The following ADRA2A variants were observed in gnomAD, a reference collection of about 807,000 sequenced individuals.
ADRA2A encodes the protein adrenoceptor alpha 2A.
A neutral mutation model predicts 5.9 loss-of-function variants in ADRA2A; 6 were observed. The observed-to-expected ratio is 1.01, with a 90% CI of 0.55 to 2.00. The LOEUF is 2.00. Ranked by LOEUF, ADRA2A falls within the 30% of genes most tolerant of loss-of-function variation. ADRA2A has a pLI of 0.00. For synonymous variants in ADRA2A, 345 were observed against 325.9 expected, an observed-to-expected ratio of 1.06 and a Z score of -0.63; for missense variants, 647 against 690.0, an observed-to-expected ratio of 0.94 and a Z score of 0.70.
In ADRA2A at chr10:111,078,968, C is replaced by A; in HGVS notation, c.972C>A (p.Arg324=). 1 of 1,242,524 alleles carries A rather than the reference C, an allele frequency of 8.0e-7. No individual in the cohort carries two copies. Among genetic ancestry groups the A allele is most frequent in the Non-Finnish European group, 1.0e-6 (1 of 995,434 alleles). 77.0% of individuals were successfully genotyped at this position (1,242,524 alleles called of 1,614,324 possible). Residue 324 remains arginine, a synonymous_variant, in exon 1 of 1, where the codon CGC becomes CGA. Coordinates refer to ENST00000280155, the MANE Select transcript of ADRA2A (RefSeq NM_000681.4). ...SDHAERPPGP[R]RPERGPRGKG... is the part of the protein sequence containing the mutation. Reference sequence around the variant, plus strand: ...ACGCCGAGCGGCCTCCAGGGCCCCGCAGACCCGAGCGCGGTCCCCGGGGCA... The same window carrying A: ...ACGCCGAGCGGCCTCCAGGGCCCCGAAGACCCGAGCGCGGTCCCCGGGGCA...
rs1843540066 is a variant in ADRA2A, at chr10:111,077,144, G to C, written c.-853G>C. On this transcript the variant is annotated 5_prime_UTR_variant, in exon 1 of 1. Transcript: ENST00000280155. ...CCTGCCCCAACTCGCGCTGTCGTCG[G>C]ACCCCGGCCCATCCAGCAGCGCTCG... 6.6e-6 allele frequency: 1 copy of C among 152,616 alleles called. No homozygotes were observed. The highest frequency in any genetic ancestry group is 1.5e-5 in the Non-Finnish European group (1 of 68,398). 9.5% of individuals were successfully genotyped at this position (152,616 alleles called of 1,614,324 possible).
In ADRA2A at chr10:111,077,968, C is replaced by A. The variant is rs1320876907; in HGVS notation, c.-29C>A. On this transcript the variant is annotated 5_prime_UTR_variant, in exon 1 of 1. Coordinates refer to ENST00000280155, the MANE Select transcript of ADRA2A (RefSeq NM_000681.4). ...CGCCGGGCCGGAAGGCAGCTGGCAGCAGGCCCAGGCCAGCGGGCGCCCGCG... is the reference window on the plus strand; with the variant it reads ...CGCCGGGCCGGAAGGCAGCTGGCAGAAGGCCCAGGCCAGCGGGCGCCCGCG... 20 of 1,353,756 alleles carry A rather than the reference C, an allele frequency of 1.5e-5. No homozygotes were observed. The highest frequency in any genetic ancestry group is 1.8e-5 in the Non-Finnish European group (19 of 1,061,096). The allele number at this position is 1,353,756 out of a possible 1,614,324, so 83.9% of individuals were successfully genotyped here. A position where few individuals can be genotyped will look rare whatever the true frequency, so the allele number is the denominator to read the frequency against.
rs888449582 is a variant in ADRA2A at position 111,077,309 on chromosome 10, C to G, written c.-688C>G. The G allele has an allele frequency of 6.6e-6, 1 of 152,390 alleles. No homozygotes were observed. Among genetic ancestry groups the G allele is most frequent in the Admixed American group, 6.6e-5 (1 of 15,258 alleles). 9.4% of individuals were successfully genotyped at this position (152,390 alleles called of 1,614,324 possible). The stretch of plus-strand genomic sequence containing the variant: ...ACACTCCTCACCCCGCCGCCGCCGC[C>G]GTCCCGGAGCTCCGCACAGTGTGCC... On this transcript the variant is annotated 5_prime_UTR_variant, in exon 1 of 1. Coordinates refer to ENST00000280155, the MANE Select transcript of ADRA2A (RefSeq NM_000681.4).
rs1843543683 is a variant in ADRA2A at position 111,077,408 on chromosome 10, C to CCGGGA, written c.-585_-584insACGGG. 6.6e-6 allele frequency: 1 copy of CCGGGA among 152,136 alleles called. No homozygotes were observed. The highest frequency in any genetic ancestry group is 6.6e-5 in the Admixed American group (1 of 15,178). 9.4% of individuals were successfully genotyped at this position (152,136 alleles called of 1,614,324 possible). A position where few individuals can be genotyped will look rare whatever the true frequency, so the allele number is the denominator to read the frequency against. On this transcript the variant is annotated 5_prime_UTR_variant, in exon 1 of 1. It introduces an in-frame stop codon into an upstream open reading frame of the 5' UTR. Transcript: ENST00000280155. ...AGGCGGCAGAGTCCGCGCCCCAGCC[C>CCGGGA]CGGGCCGGGCCGGGCCAGAACCGCA...
Position 111,080,413 on chromosome 10 carries a change from A to G in ADRA2A, c.*1019A>G, listed in dbSNP as rs13306146. ...AGTGCTGACTATGGGGAAATCTTTT[A>G]GCTGCTGTTTTTAGACTCCAAGGAG... On this transcript the variant is annotated 3_prime_UTR_variant, in exon 1 of 1. Coordinates refer to ENST00000280155, the MANE Select transcript of ADRA2A (RefSeq NM_000681.4). The G allele has an allele frequency of 0.057, 9,554 of 166,854 alleles. 683 individuals carry two copies. Among genetic ancestry groups the G allele is most frequent in the East Asian group, 0.31 (1,626 of 5,168 alleles). 10.3% of individuals were successfully genotyped at this position (166,854 alleles called of 1,614,324 possible).
Position 111,078,724 on chromosome 10 carries a change from G to A in ADRA2A, c.728G>A (p.Arg243His). The change falls in exon 1 of 1, where the codon CGC becomes CAC. Residue 243 changes from arginine (R) to histidine (H), a missense_variant. By Grantham distance (29) the Arg-to-His change is conservative. This residue lies in a region of ADRA2A where 577 missense variants were observed against 605.4 expected (regional missense o/e 0.95). Coordinates refer to ENST00000280155, the MANE Select transcript of ADRA2A (RefSeq NM_000681.4). ...RIYQIAKRRT[R>H]VPPSRRGPDA... is the part of the protein sequence containing the mutation. Reference sequence around the variant, plus strand: ...TACCAGATCGCCAAGCGTCGCACCCGCGTGCCACCCAGCCGCCGGGGTCCG... The same window carrying A: ...TACCAGATCGCCAAGCGTCGCACCCACGTGCCACCCAGCCGCCGGGGTCCG... 2.0e-6 allele frequency: 3 copies of A among 1,502,808 alleles called. No individual in the cohort carries two copies. The highest frequency in any genetic ancestry group is 2.4e-5 in the Admixed American group (1 of 41,834). 93.1% of individuals were successfully genotyped at this position (1,502,808 alleles called of 1,614,324 possible). A position where few individuals can be genotyped will look rare whatever the true frequency, so the allele number is the denominator to read the frequency against.
At position 111,078,939 on chromosome 10, in the gene ADRA2A, G is replaced by A; in HGVS notation, c.943G>A (p.Asp315Asn). 2 of 1,235,348 alleles carry A rather than the reference G, an allele frequency of 1.6e-6. No individual in the cohort carries two copies. Among genetic ancestry groups the A allele is most frequent in the South Asian group, 3.0e-5 (1 of 32,984 alleles). 76.5% of individuals were successfully genotyped at this position (1,235,348 alleles called of 1,614,324 possible). ...GGACCTGGAGGAGAGCTCGTCTTCC[G>A]ACCACGCCGAGCGGCCTCCAGGGCC... ...ALDLEESSSS[D>N]HAERPPGPRR... Residue 315 changes from aspartate to asparagine, a missense_variant, in exon 1 of 1, where the codon GAC becomes AAC. Asp to Asn is a conservative substitution (Grantham distance 23). This residue lies in a region of ADRA2A where 577 missense variants were observed against 605.4 expected (regional missense o/e 0.95). Coordinates refer to ENST00000280155, the MANE Select transcript of ADRA2A (RefSeq NM_000681.4).
In ADRA2A at chr10:111,079,102, T is replaced by A; in HGVS notation, c.1106T>A (p.Val369Asp). The change falls in exon 1 of 1, where the codon GTC becomes GAC. Residue 369 changes from valine to aspartate, a missense_variant. Val to Asp is a radical substitution (Grantham distance 152, BLOSUM62 -3). Transcript: ENST00000280155. The part of the protein sequence containing the change: ...TPAAGPGEER[V>D]GAAKASRWRG... ...GCTGCAGGGCCGGGGGAGGAGCGCGTCGGGGCTGCCAAGGCGTCGCGCTGG... is the reference window on the plus strand; with the variant it reads ...GCTGCAGGGCCGGGGGAGGAGCGCGACGGGGCTGCCAAGGCGTCGCGCTGG... 6.4e-7 allele frequency: 1 copy of A among 1,556,374 alleles called. No homozygotes were observed. The highest frequency in any genetic ancestry group is 1.7e-4 in the Middle Eastern group (1 of 5,824).
chr10:111,077,830 G>T lies in ADRA2A; in HGVS notation c.-167G>T. 1 of 1,125,214 alleles carries T rather than the reference G, an allele frequency of 8.9e-7. No homozygotes were observed. The highest frequency in any genetic ancestry group is 3.3e-5 in the East Asian group (1 of 30,542). 69.7% of individuals were successfully genotyped at this position (1,125,214 alleles called of 1,614,324 possible). ...AGCCAGGCGCAGTTCGCGGGACCCG[G>T]GCCATGGGCCGCTAGCGGTCCTCCA... On this transcript the variant is annotated 5_prime_UTR_variant, in exon 1 of 1. Transcript: ENST00000280155.
At position 111,079,389 on chromosome 10, in the gene ADRA2A, G is replaced by A; in HGVS notation, c.1393G>A (p.Val465Met). The change falls in exon 1 of 1, where the codon GTG becomes ATG. Residue 465 changes from valine (V) to methionine (M), a missense_variant. Physicochemically the swap from Val to Met is conservative, Grantham distance 21. Coordinates refer to ENST00000280155, the MANE Select transcript of ADRA2A (RefSeq NM_000681.4). ...CTGTCGGGGGGACAGGAAGCGGATC[G>A]TGTGAGGTTTCCGCTGGCGCCCGCG... is the stretch of plus-strand genomic sequence containing the variant. ...ILCRGDRKRI[V>M] 2 of 1,613,734 alleles carry A rather than the reference G, an allele frequency of 1.2e-6. No individual in the cohort carries two copies. The highest frequency in any genetic ancestry group is 1.7e-6 in the Non-Finnish European group (2 of 1,179,962).
Position 111,078,801 on chromosome 10 carries a change from G to A in ADRA2A, c.805G>A (p.Gly269Ser), listed in dbSNP as rs1004192709. The A allele has an allele frequency of 1.6e-6, 2 of 1,268,998 alleles. No individual in the cohort carries two copies. The highest frequency in any genetic ancestry group is 2.0e-6 in the Non-Finnish European group (2 of 1,003,478). 78.6% of individuals were successfully genotyped at this position (1,268,998 alleles called of 1,614,324 possible). A position where few individuals can be genotyped will look rare whatever the true frequency, so the allele number is the denominator to read the frequency against. Residue 269 changes from glycine to serine, a missense_variant, in exon 1 of 1, where the codon GGC becomes AGC. This residue lies in a region of ADRA2A where 577 missense variants were observed against 605.4 expected (regional missense o/e 0.95). Transcript: ENST00000280155. ...CACCGAGCGCAGGCCCAACGGTCTG[G>A]GCCCCGAGCGCAGCGCGGGCCCGGG... is the stretch of plus-strand genomic sequence containing the variant. ...GGTERRPNGL[G>S]PERSAGPGGA...
rs753047615 is a variant in ADRA2A, at chr10:111,079,259, G to T, written c.1263G>T (p.Thr421=). Residue 421 remains threonine, a synonymous_variant, in exon 1 of 1, where the codon ACG becomes ACT. Coordinates refer to ENST00000280155, the MANE Select transcript of ADRA2A (RefSeq NM_000681.4). ...CCGTCGGGTGCTCCGTGCCACGCAC[G>T]CTCTTCAAATTCTTCTTCTGGTTCG... ...LTAVGCSVPR[T]LFKFFFWFGY... is the part of the protein sequence containing the mutation. 5 of 1,614,026 alleles carry T rather than the reference G, an allele frequency of 3.1e-6. No homozygotes were observed. The Admixed American group carries it at 8.3e-5, about 27-fold the overall frequency.
At position 111,077,829 on chromosome 10, in the gene ADRA2A, G is replaced by A. The variant is rs1440765340; in HGVS notation, c.-168G>A. 8 of 1,115,774 alleles carry A rather than the reference G, an allele frequency of 7.2e-6. No homozygotes were observed. In the South Asian group the frequency reaches 1.6e-4, roughly 23 times the overall value. 69.1% of individuals were successfully genotyped at this position (1,115,774 alleles called of 1,614,324 possible). On this transcript the variant is annotated 5_prime_UTR_variant, in exon 1 of 1. Transcript: ENST00000280155. Reference sequence around the variant, plus strand: ...GAGCCAGGCGCAGTTCGCGGGACCCGGGCCATGGGCCGCTAGCGGTCCTCC... The same window carrying A: ...GAGCCAGGCGCAGTTCGCGGGACCCAGGCCATGGGCCGCTAGCGGTCCTCC...
Position 111,078,711 on chromosome 10 carries a change from A to C in ADRA2A, c.715A>C (p.Lys239Gln), listed in dbSNP as rs751070655. 1 of 1,527,030 alleles carries C rather than the reference A, an allele frequency of 6.5e-7. No homozygotes were observed. Among genetic ancestry groups the C allele is most frequent in the African/African-American group, 1.4e-5 (1 of 70,954 alleles). 94.6% of individuals were successfully genotyped at this position (1,527,030 alleles called of 1,614,324 possible). The stretch of plus-strand genomic sequence containing the variant: ...CTACGTGCGCATCTACCAGATCGCC[A>C]AGCGTCGCACCCGCGTGCCACCCAG... ...LVYVRIYQIA[K>Q]RRTRVPPSRR... The change falls in exon 1 of 1, where the codon AAG becomes CAG. Residue 239 changes from lysine (K) to glutamine (Q), a missense_variant. This residue lies in a region of ADRA2A where 577 missense variants were observed against 605.4 expected (regional missense o/e 0.95). Coordinates refer to ENST00000280155, the MANE Select transcript of ADRA2A (RefSeq NM_000681.4).
rs537545029 is a variant in ADRA2A, at chr10:111,080,381, C to T, written c.*987C>T. On this transcript the variant is annotated 3_prime_UTR_variant, in exon 1 of 1. Transcript: ENST00000280155. ...CTTGTATGTCTGTGTGCCCCTCCTG[C>T]CCCGAAAGTGCTGACTATGGGGAAA... The T allele has an allele frequency of 2.4e-5, 4 of 166,936 alleles. No individual in the cohort carries two copies. Among genetic ancestry groups the T allele is most frequent in the South Asian group, 2.1e-4 (1 of 4,814 alleles). 10.3% of individuals were successfully genotyped at this position (166,936 alleles called of 1,614,324 possible).
chr10:111,079,383 C>T lies in ADRA2A; in HGVS notation c.1387C>T (p.Arg463Trp), dbSNP rs756360648. 3.1e-6 allele frequency: 5 copies of T among 1,613,690 alleles called. No individual in the cohort carries two copies. The African/African-American group carries it at 5.3e-5, about 17-fold the overall frequency. Residue 463 changes from arginine to tryptophan, a missense_variant, in exon 1 of 1, where the codon CGG becomes TGG. Arg to Trp is a moderately radical substitution (Grantham distance 101, BLOSUM62 -3). This residue lies in a region of ADRA2A where 62 missense variants were observed against 59.8 expected (regional missense o/e 1.04). Transcript: ENST00000280155. Reference protein sequence around the residue: ...KKILCRGDRKRIV With the variant: ...KKILCRGDRKWIV ...GATCCTCTGTCGGGGGGACAGGAAG[C>T]GGATCGTGTGAGGTTTCCGCTGGCG...
rs554362665 is a variant in ADRA2A at position 111,079,734 on chromosome 10, A to G, written c.*340A>G. On this transcript the variant is annotated 3_prime_UTR_variant, in exon 1 of 1. Transcript: ENST00000280155. Reference sequence around the variant, plus strand: ...CTCTTCAGAGCAAGCACTGGACTACAAGGGCATGGCTCACAAAAGGTTAAT... The same window carrying G: ...CTCTTCAGAGCAAGCACTGGACTACGAGGGCATGGCTCACAAAAGGTTAAT... The G allele has an allele frequency of 6.0e-6, 2 of 334,460 alleles. No individual in the cohort carries two copies. The highest frequency in any genetic ancestry group is 1.2e-4 in the East Asian group (2 of 16,718). 20.7% of individuals were successfully genotyped at this position (334,460 alleles called of 1,614,324 possible).
At position 111,078,577 on chromosome 10, in the gene ADRA2A, G is replaced by A. The variant is rs1390292470; in HGVS notation, c.581G>A (p.Gly194Asp). Residue 194 changes from glycine (G) to aspartate (D), a missense_variant, in exon 1 of 1, where the codon GGC (glycine) becomes GAC (aspartate). Physicochemically the swap from Gly to Asp is moderately conservative, Grantham distance 94 (BLOSUM62 -1). Transcript: ENST00000280155. ...TCCATCGAGAAGAAGGGCGGCGGCG[G>A]CGGCCCGCAGCCGGCCGAGCCGCGC... ...LISIEKKGGG[G>D]GPQPAEPRCE... 3.8e-6 allele frequency: 6 copies of A among 1,598,016 alleles called. No individual in the cohort carries two copies. Among genetic ancestry groups the A allele is most frequent in the Non-Finnish European group, 4.3e-6 (5 of 1,173,056 alleles).
rs943577558 is a variant in ADRA2A, at chr10:111,079,512, C to G, written c.*118C>G. On this transcript the variant is annotated 3_prime_UTR_variant, in exon 1 of 1. Coordinates refer to ENST00000280155, the MANE Select transcript of ADRA2A (RefSeq NM_000681.4). The stretch of plus-strand genomic sequence containing the variant: ...CGCTGCCTGCTCTGCGTTTCCTCGT[C>G]TGGGGTGGCTCTGCAGCCTCCTGCG... 35 of 1,170,490 alleles carry G rather than the reference C, an allele frequency of 3.0e-5. No homozygotes were observed. Among genetic ancestry groups the G allele is most frequent in the Non-Finnish European group, 3.9e-5 (32 of 816,764 alleles). 72.5% of individuals were successfully genotyped at this position (1,170,490 alleles called of 1,614,324 possible).
Sources: gnomAD v4.1 joint callset for allele counts on GRCh38, gnomAD v4.1.1 for gene constraint, gnomAD v4.1.1 regional missense constraint, MANE v1.5 for transcripts, NCBI Gene and HGNC (gene_info 2026-07-23, HGNC 2026-07-21) for gene names.